Variants in NEK5 observed in about 807,000 individuals in gnomAD.
NEK5 encodes the protein serine/threonine-protein kinase Nek5.
In NEK5, 88 loss-of-function variants were observed where a neutral mutation model predicts 109.2. The observed-to-expected ratio is 0.81, with a 90% CI of 0.68 to 0.96. NEK5 has a LOEUF of 0.96. Ranked by LOEUF, NEK5 falls within the 40% of genes least tolerant of loss-of-function variation. NEK5 has a pLI of 0.00. For synonymous variants in NEK5, 283 were observed against 299.9 expected, an observed-to-expected ratio of 0.94 and a Z score of 0.58; for missense variants, 834 against 920.7, an observed-to-expected ratio of 0.91 and a Z score of 1.22.
intron 9 of NEK5, 33 bp from the exon 10 acceptor site, chr13:52,102,325 G>C (rs1955556744): frequency 2.7e-6 from 4 of 1,507,162 alleles, no homozygotes; most frequent in Non-Finnish European, 3.7e-6. Flanking sequence ...CACTAAATCA[G>C]AGAAAAGTTA....
chr13:52,086,294 TC>T lies in NEK5; in HGVS notation c.1461del (p.Met488TrpfsTer11). 6.2e-7 allele frequency: 1 copy of T among 1,605,218 alleles called. No homozygotes were observed. Among genetic ancestry groups the T allele is most frequent in the Non-Finnish European group, 8.5e-7 (1 of 1,171,862 alleles). On this transcript the variant is annotated frameshift_variant, in exon 16 of 24. Coordinates refer to ENST00000684899, the MANE Select transcript of NEK5 (RefSeq NM_001365552.1). LOFTEE classifies it high-confidence loss of function. Reference protein sequence around the residue: ...YHNDMKEIRKKMGREPEENSK... With the variant: ...YHNDMKEIRKXMGREPEENSK... ...GAATTTACCTCTGGTTCTCTCCCCA[TC>T]TTCTTTCTAATTTCTTTCATGTCAT...
rs147103991 is a variant in NEK5 at position 52,121,901 on chromosome 13, A to G, written c.118-2486T>C. ...CAATGTAATTATCTGAAAATAGAAA[A>G]AGAGTTAAATAAATTACAGGGGTGT... On this transcript the variant is annotated intron_variant, in intron 3 of 23. Coordinates refer to ENST00000684899, the MANE Select transcript of NEK5 (RefSeq NM_001365552.1). Among the ~76,000 whole-genome samples the G allele has an allele frequency of 2.3e-4, 35 of 152,276 alleles. No homozygotes were observed. In the East Asian group the frequency reaches 6.2e-3, roughly 27 times the overall value.
chr13:52,080,297 G>A (rs1276268146), intron 17 of NEK5, among the ~76,000 whole-genome samples: 5 of 147,700 alleles, frequency 3.4e-5, no homozygotes, highest in Non-Finnish European at 7.5e-5. Context: ...CCGGCCAGCC[G>A]CCTCGTCCGG....
chr13:52,105,264 TGTGTGTG>T (rs1955627264), intron 8 of NEK5, among the ~76,000 whole-genome samples: 1 of 122,876 alleles, frequency 8.1e-6, no homozygotes, highest in Non-Finnish European at 2.0e-5. Context: ...TGTGTGTGTG[TGTGTGTG>T]TGTCAGAGAG....
chr13:52,066,524 G>A (rs1401511281), intron 20 of NEK5, among the ~76,000 whole-genome samples: 1 of 151,608 alleles, frequency 6.6e-6, no homozygotes, highest in Non-Finnish European at 1.5e-5. Context: ...AAATTAACTC[G>A]GCCGGGTGCA....
chr13:52,100,179 A>G (rs1397742069), intron 11 of NEK5, among the ~76,000 whole-genome samples: 1 of 152,242 alleles, frequency 6.6e-6, no homozygotes, highest in Non-Finnish European at 1.5e-5. Flanking sequence ...GGTAATAATA[A>G]AAGTTATTAA....
At chr13:52,085,275 C>T (rs946184147) in intron 16 of NEK5, among the ~76,000 whole-genome samples, 1 of 152,190 alleles carries the variant, frequency 6.6e-6, no homozygotes, top group African/African-American at 2.4e-5. Flanking sequence ...CCTCCTTTGC[C>T]TTCTGCCATG....
intron 3 of NEK5, among the ~76,000 whole-genome samples, chr13:52,124,645 C>T (rs1956030711): frequency 6.6e-6 from 1 of 152,110 alleles, no homozygotes; most frequent in South Asian, 2.1e-4. Context: ...TGTACCATGA[C>T]TTCATATATG....
At chr13:52,114,307 A>G (rs1593996460) in intron 4 of NEK5, among the ~76,000 whole-genome samples, 1 of 152,184 alleles carries the variant, frequency 6.6e-6, no homozygotes, top group Non-Finnish European at 1.5e-5. Context: ...TGTTGATAAC[A>G]TTTTCCCCTG....
chr13:52,112,246 A>G, intron 5 of NEK5, 22 bp downstream of exon 5: 1 of 1,423,158 alleles, frequency 7.0e-7, no homozygotes, highest in Non-Finnish European at 9.9e-7. Flanking sequence ...ATAAAATTAA[A>G]AAGCAAATTA....
At chr13:52,109,513 A>C (rs1955717534) in intron 7 of NEK5, among the ~76,000 whole-genome samples, 1 of 152,118 alleles carries the variant, frequency 6.6e-6, no homozygotes, top group African/African-American at 2.4e-5. Flanking sequence ...TCTTGTGGGG[A>C]AAATCTACAT....
At chr13:52,099,089 G>A (rs1012048870) in intron 12 of NEK5, among the ~76,000 whole-genome samples, 1 of 152,120 alleles carries the variant, frequency 6.6e-6, no homozygotes, top group Non-Finnish European at 1.5e-5. Flanking sequence ...TAACTCAAAG[G>A]ATAAATACTT....
intron 17 of NEK5, 107 bp from the exon 18 acceptor site, chr13:52,076,250 G>A: frequency 1.3e-5 from 8 of 622,722 alleles, no homozygotes; most frequent in Admixed American, 3.2e-5. Context: ...CTTTTATAAT[G>A]GAAAGTTAAT....
chr13:52,105,949 C>T (rs1330235376), intron 8 of NEK5, among the ~76,000 whole-genome samples: 1 of 152,254 alleles, frequency 6.6e-6, no homozygotes, highest in Admixed American at 6.5e-5. Context: ...AATCATCCCC[C>T]TCAGCCTCCC....
At position 52,083,264 on chromosome 13, in the gene NEK5, A is replaced by C; in HGVS notation, c.1568T>G (p.Val523Gly). The C allele has an allele frequency of 6.2e-7, 1 of 1,604,040 alleles. No individual in the cohort carries two copies. The highest frequency in any genetic ancestry group is 8.5e-7 in the Non-Finnish European group (1 of 1,170,792). ...HQDASEGEAP[V>G]QDIEKDLKQM... The stretch of plus-strand genomic sequence containing the variant: ...TCTGATCATAGCCATCATTACCTGC[A>C]CAGGTGCTTCTCCCTCAGATGCATC... The change falls in exon 17 of 24, where the codon GTG becomes GGG. Residue 523 changes from valine to glycine, a missense_variant. Transcript: ENST00000684899.
intron 22 of NEK5, among the ~76,000 whole-genome samples, chr13:52,056,240 G>T (rs1954553956): frequency 6.6e-6 from 1 of 151,520 alleles, no homozygotes; most frequent in Non-Finnish European, 1.5e-5. Flanking sequence ...TCAACAAGAA[G>T]AGCTAACTAT....
intron 17 of NEK5, among the ~76,000 whole-genome samples, chr13:52,081,859 A>G (rs191214350): frequency 2.0e-5 from 3 of 152,334 alleles, no homozygotes; most frequent in East Asian, 3.9e-4. Flanking sequence ...ACATGTCTGT[A>G]ACATCTGAGC....
intron 13 of NEK5, 111 bp from the exon 14 acceptor site, chr13:52,089,424 G>A: frequency 1.5e-6 from 1 of 649,812 alleles, no homozygotes. Context: ...CCAGTGGCTT[G>A]AAGTTCCAAG....
intron 23 of NEK5, among the ~76,000 whole-genome samples, chr13:52,041,660 G>A (rs1223661213): frequency 2.0e-5 from 3 of 147,610 alleles, no homozygotes; most frequent in African/African-American, 7.5e-5. Flanking sequence ...CCCAGGAGGC[G>A]GAGGTTGCAG....
Sources: allele counts gnomAD v4.1 joint callset (sites outside exome capture counted in the v4.1 genomes callset), GRCh38; gene constraint gnomAD v4.1.1; transcripts MANE v1.5; gene names NCBI Gene and HGNC (gene_info 2026-07-23, HGNC 2026-07-21).